The following DHX34 variants were observed in gnomAD, a reference collection of about 807,000 sequenced individuals.
DHX34 encodes the protein DExH-box helicase 34.
Under a neutral mutation model 111.1 loss-of-function variants are expected in DHX34, and 96 were observed. The ratio of observed to expected loss-of-function variants is 0.86; its 90% CI spans 0.73 to 1.02. The LOEUF (loss-of-function observed/expected upper bound fraction) is 1.02, where lower values mean the gene tolerates loss of function less well. DHX34 is among the 50% of genes least tolerant of loss of function. The pLI, the probability that DHX34 is intolerant of heterozygous loss-of-function variation, is 0.00. For synonymous variants in DHX34, 688 were observed against 670.4 expected (o/e 1.03, Z -0.41); for missense variants, 1,560 against 1,579.9 (o/e 0.99, Z 0.21).
intron 12 of DHX34, 176 bp from the exon 13 acceptor site, chr19:47,376,924 C>T (rs907393069): frequency 5.9e-6 from 9 of 1,536,170 alleles, no homozygotes; most frequent in African/African-American, 1.4e-5. Flanking sequence ...GGCATGGCTG[C>T]GTGCTGGGAG....
At position 47,381,276 on chromosome 19, in the gene DHX34, A is replaced by G. The variant is rs759838775; in HGVS notation, c.3250A>G (p.Ile1084Val). ...TGCGCCCCTCACGCCCCTGGAGCGC[A>G]TCGCCCATGAGAACACCTGCCCCCA... ...LHAPLTPLER[I>V]AHENTCPQAP... The change falls in exon 16 of 17, where the codon ATC becomes GTC. Residue 1084 changes from isoleucine (I) to valine (V), a missense_variant. Coordinates refer to ENST00000328771, the MANE Select transcript of DHX34 (RefSeq NM_014681.6). 10 of 1,613,764 alleles carry G rather than the reference A, an allele frequency of 6.2e-6. No individual in the cohort carries two copies. The African/African-American group carries it at 6.7e-5, about 11-fold the overall frequency.
Position 47,353,872 on chromosome 19 carries a change from C to T in DHX34, c.705+137C>T, listed in dbSNP as rs1327971259. 3.5e-6 allele frequency: 3 copies of T among 866,864 alleles called. No homozygotes were observed. Among genetic ancestry groups the T allele is most frequent in the African/African-American group, 1.7e-5 (1 of 58,810 alleles). The allele number at this position is 866,864 out of a possible 1,614,324, so 53.7% of individuals were successfully genotyped here. On this transcript the variant is annotated intron_variant, in intron 2 of 16. Transcript: ENST00000328771. The surrounding 1 kb of genome is among the most constrained non-coding windows in gnomAD (Gnocchi z 4.6). ...GATGATTCTTCTAGAACTTTATCCACAGAGTGGCTTGTCTGTGGTCTACAT... is the reference window on the plus strand; with the variant it reads ...GATGATTCTTCTAGAACTTTATCCATAGAGTGGCTTGTCTGTGGTCTACAT...
rs1193165524 is a variant in DHX34 at position 47,355,329 on chromosome 19, T to G, written c.996T>G (p.Pro332=). 1.9e-6 allele frequency: 3 copies of G among 1,613,252 alleles called. No individual in the cohort carries two copies. Among genetic ancestry groups the G allele is most frequent in the Non-Finnish European group, 2.5e-6 (3 of 1,179,324 alleles). Residue 332 remains proline, a synonymous_variant, in exon 3 of 17, where the codon CCT becomes CCG. Coordinates refer to ENST00000328771, the MANE Select transcript of DHX34 (RefSeq NM_014681.6). ...YFSNAPVVQV[P]GRLFPITVVY... ...GCAATGCCCCTGTGGTACAGGTGCCTGGGAGGCTGTTCCCCATCACGGTGA... is the reference window on the plus strand; with the variant it reads ...GCAATGCCCCTGTGGTACAGGTGCCGGGGAGGCTGTTCCCCATCACGGTGA...
At chr19:47,371,305 C>T (rs1168959957) in intron 7 of DHX34, among the ~76,000 whole-genome samples, 1 of 152,244 alleles carries the variant, frequency 6.6e-6, no homozygotes, top group Non-Finnish European at 1.5e-5. Context: ...AGAACTGCTG[C>T]TCAGGGTCAC....
chr19:47,361,240 T>G (rs529869078), intron 5 of DHX34, among the ~76,000 whole-genome samples: 1 of 150,514 alleles, frequency 6.6e-6, no homozygotes, highest in Non-Finnish European at 1.5e-5. Flanking sequence ...GGCAGGTCAC[T>G]TGAAGTTAGG....
At chr19:47,362,251 CAGTG>C (rs1969650567) in intron 5 of DHX34, 15 of 690,378 alleles carry the variant, frequency 2.2e-5, no homozygotes, top group Non-Finnish European at 2.5e-5. Context: ...GCCTGGGAGA[CAGTG>C]AGACCCTGTC....
chr19:47,349,537 A>G (rs1969221552), intron 1 of DHX34, among the ~76,000 whole-genome samples, 185 bp downstream of exon 1: 1 of 152,184 alleles, frequency 6.6e-6, no homozygotes, highest in Non-Finnish European at 1.5e-5. Flanking sequence ...CGTCCCTGGG[A>G]GAACCTGGGC....
rs544423291 is a variant in DHX34 at position 47,353,306 on chromosome 19, G to A, written c.276G>A (p.Ala92=). ...DPGQPKHSIP[A]LADLPRTYDP... ...GACAGCCCAAGCACAGCATCCCAGC[G>A]CTGGCCGACCTACCTCGCACTTACG... The change falls in exon 2 of 17, where the codon GCG becomes GCA. Residue 92 remains alanine (A), a synonymous_variant. Coordinates refer to ENST00000328771, the MANE Select transcript of DHX34 (RefSeq NM_014681.6). The surrounding 1 kb of genome is among the most constrained non-coding windows in gnomAD (Gnocchi z 4.6). The A allele has an allele frequency of 1.1e-5, 18 of 1,614,160 alleles. No individual in the cohort carries two copies. Among genetic ancestry groups the A allele is most frequent in the East Asian group, 6.7e-5 (3 of 44,888 alleles).
In DHX34 at chr19:47,382,073, C is replaced by T. The variant is rs747115117; in HGVS notation, c.3392C>T (p.Thr1131Ile). Reference sequence around the variant, plus strand: ...GCCTGCGGGAAGGACTTCCTCTTTACACCCACAGAGGTGCTGCGCCACCGG... The same window carrying T: ...GCCTGCGGGAAGGACTTCCTCTTTATACCCACAGAGGTGCTGCGCCACCGG... ...CEACGKDFLF[T>I]PTEVLRHRKQ... Residue 1131 changes from threonine (T) to isoleucine (I), a missense_variant, in exon 17 of 17, where the codon ACA becomes ATA. Thr to Ile is a moderately conservative substitution (Grantham distance 89, BLOSUM62 -1). Coordinates refer to ENST00000328771, the MANE Select transcript of DHX34 (RefSeq NM_014681.6). 6 of 1,614,138 alleles carry T rather than the reference C, an allele frequency of 3.7e-6. No homozygotes were observed. The South Asian group carries it at 6.6e-5, about 18-fold the overall frequency.
rs1969602875 is a variant in DHX34 at position 47,360,668 on chromosome 19, GTTT to G, written c.1375+599_1375+601del. Among the ~76,000 whole-genome samples the G allele has an allele frequency of 4.8e-5, 7 of 147,210 alleles. 1 individual carries two copies. Among genetic ancestry groups the G allele is most frequent in the African/African-American group, 1.8e-4 (7 of 38,594 alleles). ...GTCATATGAGGGGGATTGACATTCT[GTTT>G]GTTGTTGTTGTTGTTGTTGTTGTTG... On this transcript the variant is annotated intron_variant, in intron 5 of 16. Coordinates refer to ENST00000328771, the MANE Select transcript of DHX34 (RefSeq NM_014681.6).
rs1348581504 is a variant in DHX34, at chr19:47,382,480, T to C, written c.*367T>C. The C allele has an allele frequency of 8.9e-6, 2 of 224,940 alleles. No homozygotes were observed. The highest frequency in any genetic ancestry group is 1.2e-4 in the South Asian group (2 of 17,362). 13.9% of individuals were successfully genotyped at this position (224,940 alleles called of 1,614,324 possible). A position where few individuals can be genotyped will look rare whatever the true frequency, so the allele number is the denominator to read the frequency against. On this transcript the variant is annotated 3_prime_UTR_variant, in exon 17 of 17. Transcript: ENST00000328771. Reference sequence around the variant, plus strand: ...TAGCACCTCCGCAGCCGCTCTCTCTTGAGTCCATCCTCAGTCTCTCCTACC... The same window carrying C: ...TAGCACCTCCGCAGCCGCTCTCTCTCGAGTCCATCCTCAGTCTCTCCTACC...
chr19:47,351,171 CTTTTTTTTTTT>C (rs955543104), intron 1 of DHX34, among the ~76,000 whole-genome samples: 14 of 93,100 alleles, frequency 1.5e-4, no homozygotes, highest in East Asian at 6.4e-4. Context: ...TTTTCTTTTT[CTTTTTTTTTTT>C]TTTTTTTTTT....
intron 1 of DHX34, among the ~76,000 whole-genome samples, chr19:47,350,716 G>A (rs1015988552): frequency 6.6e-5 from 10 of 152,044 alleles, no homozygotes; most frequent in Middle Eastern, 3.4e-3. Context: ...CACCATGCCC[G>A]GCCTGAAAAA....
intron 10 of DHX34, 62 bp from the exon 11 acceptor site, chr19:47,375,862 T>C: frequency 6.5e-7 from 1 of 1,542,280 alleles, no homozygotes; most frequent in Non-Finnish European, 8.7e-7. Context: ...CCTGGGGGTC[T>C]GCGGATCATG....
intron 4 of DHX34, among the ~76,000 whole-genome samples, chr19:47,358,717 C>T (rs376558070): frequency 1.3e-5 from 2 of 152,038 alleles, no homozygotes; most frequent in South Asian, 2.1e-4. Context: ...CGGGTTCAAG[C>T]GATTCTCCTG....
chr19:47,360,055 T>C lies in DHX34; in HGVS notation c.1360T>C (p.Phe454Leu), dbSNP rs1969580107. 6.2e-7 allele frequency: 1 copy of C among 1,613,696 alleles called. No homozygotes were observed. Among genetic ancestry groups the C allele is most frequent in the Non-Finnish European group, 8.5e-7 (1 of 1,179,902 alleles). ...CTCAGTCACCATTGACGGGATCCGC[T>C]TCGTAGTAGATTCCGGTAAGGACCA... is the stretch of plus-strand genomic sequence containing the variant. Reference protein sequence around the residue: ...ETSVTIDGIRFVVDSGKVKEM... With the variant: ...ETSVTIDGIRLVVDSGKVKEM... The change falls in exon 5 of 17, where the codon TTC (phenylalanine) becomes CTC (leucine). Residue 454 changes from phenylalanine (F) to leucine (L), a missense_variant. Phe to Leu is a conservative substitution (Grantham distance 22, BLOSUM62 0). Coordinates refer to ENST00000328771, the MANE Select transcript of DHX34 (RefSeq NM_014681.6).
At chr19:47,364,104 A>G (rs190666822) in intron 6 of DHX34, among the ~76,000 whole-genome samples, 16 of 152,220 alleles carry the variant, frequency 1.1e-4, no homozygotes, top group African/African-American at 1.7e-4. Flanking sequence ...TTGTGGCTCT[A>G]TAATCTCCCC....
At chr19:47,363,574 T>C (rs1027658757) in intron 6 of DHX34, among the ~76,000 whole-genome samples, 6 of 151,814 alleles carry the variant, frequency 4.0e-5, no homozygotes, top group African/African-American at 1.2e-4. Context: ...TCCCAGCACT[T>C]TGGGAGGCCA....
chr19:47,378,718 C>T (rs1970250238), intron 13 of DHX34, among the ~76,000 whole-genome samples: 1 of 152,174 alleles, frequency 6.6e-6, no homozygotes, highest in South Asian at 2.1e-4. Context: ...TGCCTGTAAT[C>T]CCAGCTACTC....
Sources: gnomAD v4.1 joint callset for allele counts (sites outside exome capture counted in the v4.1 genomes callset) on GRCh38, gnomAD v4.1.1 for gene constraint, Gnocchi (gnomAD v3.1) non-coding constraint, MANE v1.5 for transcripts, NCBI Gene and HGNC (gene_info 2026-07-23, HGNC 2026-07-21) for gene names.